EMC2: variants seen among roughly 807,000 people sequenced by gnomAD.
The protein encoded by EMC2 is ER membrane protein complex subunit 2.
In EMC2, 37 loss-of-function variants were observed where a neutral mutation model predicts 51.6. The ratio of observed to expected loss-of-function variants is 0.72; its 90% CI spans 0.55 to 0.94. The LOEUF (loss-of-function observed/expected upper bound fraction) is 0.94. EMC2 is among the 40% of genes least tolerant of loss of function. The probability of loss-of-function intolerance (pLI) is 0.00; values close to 1 mark genes in which losing one functional copy is unlikely to be tolerated. For synonymous variants in EMC2, 131 were observed against 112.4 expected, an observed-to-expected ratio of 1.17 and a Z score of -1.04; for missense variants, 359 against 350.9, an observed-to-expected ratio of 1.02 and a Z score of -0.18.
chr8:108,465,766 G>A (rs540203701), intron 5 of EMC2, among the ~76,000 whole-genome samples: 2 of 152,260 alleles, frequency 1.3e-5, no homozygotes, highest in South Asian at 2.1e-4. Flanking sequence ...GTAATTATTA[G>A]CATTTATTAA....
intron 7 of EMC2, chr8:108,474,717 T>C (rs1810917726): frequency 6.6e-6 from 1 of 151,942 alleles, no homozygotes; most frequent in South Asian, 2.1e-4. Flanking sequence ...CTTCAGTTTT[T>C]CAATGTGATG....
chr8:108,463,751 G>A (rs1819391430), intron 5 of EMC2, among the ~76,000 whole-genome samples: 1 of 152,088 alleles, frequency 6.6e-6, no homozygotes, highest in Non-Finnish European at 1.5e-5. Flanking sequence ...AGTGGTTAGA[G>A]CCACTCTATC....
intron 10 of EMC2, among the ~76,000 whole-genome samples, chr8:108,481,830 T>C (rs2348949): frequency 0.24 from 36,264 of 152,112 alleles, 4,964 homozygotes; most frequent in East Asian, 0.41. Flanking sequence ...CTTGCATATT[T>C]CTATCATTAT....
chr8:108,461,751 C>T (rs564613827), intron 5 of EMC2, among the ~76,000 whole-genome samples: 49 of 151,838 alleles, frequency 3.2e-4, no homozygotes, highest in Non-Finnish European at 5.6e-4. Context: ...AAATTGTGGA[C>T]AATATAAAAT....
intron 4 of EMC2, among the ~76,000 whole-genome samples, chr8:108,453,667 GT>G (rs1563692105): frequency 6.6e-6 from 1 of 151,856 alleles, no homozygotes; most frequent in Non-Finnish European, 1.5e-5. Flanking sequence ...ATTATTTTTA[GT>G]TTGTAAGAGT....
chr8:108,450,886 G>C (rs188974273), intron 3 of EMC2, among the ~76,000 whole-genome samples: 10 of 152,218 alleles, frequency 6.6e-5, no homozygotes, highest in African/African-American at 1.9e-4. Flanking sequence ...AAATCCCGAC[G>C]TATAGAACAT....
intron 1 of EMC2, among the ~76,000 whole-genome samples, chr8:108,445,354 C>T (rs1818853332): frequency 6.6e-6 from 1 of 152,104 alleles, no homozygotes; most frequent in Non-Finnish European, 1.5e-5. Context: ...TATCTTGAGC[C>T]CTTCTCCCTC....
intron 7 of EMC2, chr8:108,474,544 T>A (rs1199148003): frequency 9.0e-6 from 1 of 111,700 alleles, no homozygotes; most frequent in Non-Finnish European, 1.8e-5. Flanking sequence ...TGCATGATCT[T>A]GGATGAGAGT....
chr8:108,456,332 CAA>C (rs869162246), intron 5 of EMC2, among the ~76,000 whole-genome samples: 3 of 23,612 alleles, frequency 1.3e-4, no homozygotes, highest in Non-Finnish European at 7.7e-5. Flanking sequence ...GACTTCGTGT[CAA>C]AAAAAAAAAA....
intron 6 of EMC2, 74 bp downstream of exon 6, chr8:108,469,985 G>T: frequency 6.5e-7 from 1 of 1,539,210 alleles, no homozygotes; most frequent in South Asian, 1.1e-5. Flanking sequence ...ATTTGCATTT[G>T]ATTTTCCTGT....
At chr8:108,483,507 C>T (rs949525933) in intron 10 of EMC2, among the ~76,000 whole-genome samples, 17 of 152,190 alleles carry the variant, frequency 1.1e-4, no homozygotes, top group African/African-American at 3.4e-4. Context: ...TCTTCTGTGT[C>T]TGGCTTCTTT....
intron 3 of EMC2, among the ~76,000 whole-genome samples, chr8:108,450,922 C>T (rs73304621): frequency 0.12 from 17,683 of 152,134 alleles, 1,835 homozygotes; most frequent in African/African-American, 0.27. Context: ...TAATGTTTGG[C>T]CAGGCAAGGT....
At chr8:108,478,944 T>G in intron 9 of EMC2, 62 bp from the exon 10 acceptor site, 7 of 847,594 alleles carry the variant, frequency 8.3e-6, no homozygotes, top group Non-Finnish European at 1.2e-5. Flanking sequence ...GTCCCTTATG[T>G]TTTTGATTAT....
intron 10 of EMC2, among the ~76,000 whole-genome samples, chr8:108,481,158 G>C (rs561154497): frequency 3.3e-5 from 5 of 151,996 alleles, no homozygotes; most frequent in African/African-American, 9.7e-5. Flanking sequence ...ACCTGTGGGC[G>C]TGGGTTCTGT....
intron 4 of EMC2, among the ~76,000 whole-genome samples, chr8:108,454,345 T>TAC (rs1188952861): frequency 6.6e-6 from 1 of 152,078 alleles, no homozygotes; most frequent in Non-Finnish European, 1.5e-5. Context: ...ATTTCGTATT[T>TAC]TCTCTCTCTC....
At chr8:108,485,975 C>T (rs1167744268) in intron 10 of EMC2, among the ~76,000 whole-genome samples, 2 of 151,594 alleles carry the variant, frequency 1.3e-5, no homozygotes, top group African/African-American at 4.8e-5. Context: ...AGAACCATAT[C>T]ATTTAGTTAA....
intron 10 of EMC2, among the ~76,000 whole-genome samples, chr8:108,485,403 G>T (rs534538891): frequency 2.8e-5 from 4 of 143,604 alleles, no homozygotes; most frequent in Admixed American, 7.0e-5. Context: ...GAGAAAATGG[G>T]TAACATATAT....
chr8:108,459,237 C>A (rs1014658652), intron 5 of EMC2, among the ~76,000 whole-genome samples: 2 of 152,116 alleles, frequency 1.3e-5, no homozygotes, highest in Admixed American at 1.3e-4. Flanking sequence ...TTCTTCTGAC[C>A]CCTCCAAACT....
At chr8:108,472,396 T>C (rs1463650073) in intron 7 of EMC2, among the ~76,000 whole-genome samples, 9 of 151,678 alleles carry the variant, frequency 5.9e-5, no homozygotes, top group Non-Finnish European at 1.2e-4. Context: ...CTGAGAAATC[T>C]CAAAAAATGA....
Sources: allele counts gnomAD v4.1 joint callset (sites outside exome capture counted in the v4.1 genomes callset), GRCh38; gene constraint gnomAD v4.1.1; transcripts MANE v1.5; gene names NCBI Gene and HGNC (gene_info 2026-07-23, HGNC 2026-07-21).